Variants in STK32B observed in about 807,000 individuals in gnomAD.
STK32B encodes serine/threonine-protein kinase 32B.
STK32B carries 43 observed loss-of-function variants against 52.6 expected under a neutral mutation model. That is an observed-to-expected ratio of 0.82 (90% CI 0.64 to 1.05). STK32B has a LOEUF of 1.05. Ranked by LOEUF, STK32B falls within the 50% of genes least tolerant of loss-of-function variation. The probability of loss-of-function intolerance (pLI) is 0.00; values close to 1 mark genes in which losing one functional copy is unlikely to be tolerated. For missense variants in STK32B, 621 were observed against 534.6 expected (o/e 1.16, Z -1.59); for synonymous variants, 238 against 204.3 (o/e 1.17, Z -1.41).
At chr4:5,064,301 A>G (rs962000360) in intron 1 of STK32B, among the ~76,000 whole-genome samples, 1 of 144,878 alleles carries the variant, frequency 6.9e-6, no homozygotes, top group Non-Finnish European at 1.5e-5. Flanking sequence ...ACATGTAAAG[A>G]TATATTTATT....
chr4:5,104,899 A>T (rs866896376), intron 1 of STK32B, among the ~76,000 whole-genome samples: 17 of 152,228 alleles, frequency 1.1e-4, no homozygotes, highest in African/African-American at 3.4e-4. Flanking sequence ...ATACTACATT[A>T]TATTTTTCTA....
At chr4:5,191,505 C>G (rs1185139038) in intron 3 of STK32B, among the ~76,000 whole-genome samples, 1 of 151,974 alleles carries the variant, frequency 6.6e-6, no homozygotes, top group Non-Finnish European at 1.5e-5. Flanking sequence ...CTGCCCACCT[C>G]GGCATCCCAA....
chr4:5,100,621 T>C (rs1321845006), intron 1 of STK32B, among the ~76,000 whole-genome samples: 2 of 52,670 alleles, frequency 3.8e-5, no homozygotes, highest in Non-Finnish European at 6.5e-5. Flanking sequence ...TTCCCTGCTT[T>C]TTCTTTCTTT....
At chr4:5,055,767 C>G (rs974564138) in intron 1 of STK32B, among the ~76,000 whole-genome samples, 4 of 152,156 alleles carry the variant, frequency 2.6e-5, no homozygotes, top group African/African-American at 9.7e-5. Flanking sequence ...CCCCAGCCCA[C>G]TCTCACTTCC....
chr4:5,307,957 G>T (rs1318360148), intron 3 of STK32B, among the ~76,000 whole-genome samples: 1 of 144,594 alleles, frequency 6.9e-6, no homozygotes, highest in Non-Finnish European at 1.5e-5. Flanking sequence ...GGAAGTGTCT[G>T]CAGAGTTCTA....
intron 1 of STK32B, among the ~76,000 whole-genome samples, chr4:5,076,268 A>G (rs1712070715): frequency 6.6e-6 from 1 of 152,210 alleles, no homozygotes; most frequent in Non-Finnish European, 1.5e-5. Flanking sequence ...AAATAATCCA[A>G]TCTACCATAA....
At chr4:5,180,942 T>A (rs1352092818) in intron 3 of STK32B, among the ~76,000 whole-genome samples, 9 of 152,006 alleles carry the variant, frequency 5.9e-5, no homozygotes, top group Non-Finnish European at 1.3e-4. Flanking sequence ...CTCTCTTGGG[T>A]TTAAGACAAC....
chr4:5,057,714 G>T (rs1362924590), intron 1 of STK32B, among the ~76,000 whole-genome samples: 1 of 152,148 alleles, frequency 6.6e-6, no homozygotes, highest in Non-Finnish European at 1.5e-5. Flanking sequence ...GCATAATCTG[G>T]TGCTAAGCCT....
intron 3 of STK32B, among the ~76,000 whole-genome samples, chr4:5,260,739 T>C (rs1162573619): frequency 6.6e-6 from 1 of 152,088 alleles, no homozygotes; most frequent in Non-Finnish European, 1.5e-5. Context: ...GTTGGTTTCT[T>C]AGGAAGCAGA....
At chr4:5,330,435 C>T (rs1013874552) in intron 3 of STK32B, among the ~76,000 whole-genome samples, 2 of 152,136 alleles carry the variant, frequency 1.3e-5, no homozygotes, top group African/African-American at 4.8e-5. Flanking sequence ...TCTACTGTTT[C>T]AAAAACAAAA....
intron 1 of STK32B, among the ~76,000 whole-genome samples, chr4:5,077,624 A>G (rs774657014): frequency 1.3e-5 from 2 of 152,126 alleles, no homozygotes; most frequent in Non-Finnish European, 2.9e-5. Flanking sequence ...AGCCAAGGTT[A>G]GATGCTCAAA....
chr4:5,138,802 G>C (rs1222223303), intron 1 of STK32B, among the ~76,000 whole-genome samples: 1 of 152,220 alleles, frequency 6.6e-6, no homozygotes, highest in African/African-American at 2.4e-5. Context: ...GATGTAGAGA[G>C]AACAAGGGTA....
chr4:5,246,449 T>C (rs1202659979), intron 3 of STK32B, among the ~76,000 whole-genome samples: 1 of 152,198 alleles, frequency 6.6e-6, no homozygotes, highest in African/African-American at 2.4e-5. Context: ...CTTCTCTGCA[T>C]TGGTTTTTCT....
intron 11 of STK32B, among the ~76,000 whole-genome samples, chr4:5,497,769 T>A (rs1720412345): frequency 6.6e-6 from 1 of 152,206 alleles, no homozygotes; most frequent in African/African-American, 2.4e-5. Context: ...ACTGTTGTAG[T>A]CATCTTAGGA....
intron 3 of STK32B, among the ~76,000 whole-genome samples, chr4:5,304,387 A>G (rs1577318014): frequency 6.8e-6 from 1 of 148,076 alleles, no homozygotes; most frequent in Admixed American, 6.7e-5. Context: ...GAGGTCTTTC[A>G]GCTCCTTGGT....
intron 3 of STK32B, among the ~76,000 whole-genome samples, chr4:5,171,958 T>C (rs1363364038): frequency 2.0e-5 from 3 of 151,900 alleles, no homozygotes; most frequent in Non-Finnish European, 4.4e-5. Context: ...TGTTCTTCCA[T>C]TTGTTTGTAT....
chr4:5,230,260 G>T (rs2369497), intron 3 of STK32B, among the ~76,000 whole-genome samples: 30,393 of 136,290 alleles, frequency 0.22, 3,413 homozygotes, highest in East Asian at 0.38. Flanking sequence ...CATGATCTCA[G>T]CTCACTGCAA....
intron 3 of STK32B, among the ~76,000 whole-genome samples, chr4:5,282,338 A>G (rs1728254321): frequency 6.6e-6 from 1 of 152,196 alleles, no homozygotes; most frequent in Non-Finnish European, 1.5e-5. Flanking sequence ...AAATGCCACA[A>G]TATAGTTAGC....
chr4:5,067,048 A>G (rs971167496), intron 1 of STK32B, among the ~76,000 whole-genome samples: 1 of 152,238 alleles, frequency 6.6e-6, no homozygotes, highest in African/African-American at 2.4e-5. Context: ...GGTAATTTAT[A>G]AAGGAAAGAA....
Sources: gnomAD v4.1 joint callset for allele counts (sites outside exome capture counted in the v4.1 genomes callset) on GRCh38, gnomAD v4.1.1 for gene constraint, MANE v1.5 for transcripts, NCBI Gene and HGNC (gene_info 2026-07-23, HGNC 2026-07-21) for gene names.